The following OTOA variants were observed in gnomAD, a reference collection of about 807,000 sequenced individuals.
OTOA encodes otoancorin, also known as cancer/testis antigen 108.
In OTOA, 70 loss-of-function variants were observed where a neutral mutation model predicts 110.8. That is an observed-to-expected ratio of 0.63 (90% CI 0.52 to 0.77). The LOEUF is 0.77. Ranked by LOEUF, OTOA falls within the 30% of genes least tolerant of loss-of-function variation. The pLI is 0.00. For missense variants in OTOA, 917 were observed against 1,075.8 expected, an observed-to-expected ratio of 0.85 and a Z score of 2.06; for synonymous variants, 373 against 431.5, an observed-to-expected ratio of 0.86 and a Z score of 1.68.
At position 21,716,976 on chromosome 16, in the gene OTOA, C is replaced by G. The variant is rs1001319355; in HGVS notation, c.1558C>G (p.Leu520Val). The change falls in exon 15 of 29, where the codon CTC becomes GTC. Residue 520 changes from leucine (L) to valine (V), a missense_variant. This residue lies in a region of OTOA where 840 missense variants were observed against 910.2 expected (regional missense o/e 0.92). Coordinates refer to ENST00000646100, the MANE Select transcript of OTOA (RefSeq NM_144672.4). ...IQGAFFKEVSLFDLRRQPGFN... is the reference protein window; with the variant it reads ...IQGAFFKEVSVFDLRRQPGFN... Reference sequence around the variant, plus strand: ...AGGGGCTTTCTTTAAGGAAGTGTCTCTCTTTGATTTAAGGAGGCAACCTGG... The same window carrying G: ...AGGGGCTTTCTTTAAGGAAGTGTCTGTCTTTGATTTAAGGAGGCAACCTGG... 3 of 1,613,940 alleles carry G rather than the reference C, an allele frequency of 1.9e-6. No individual in the cohort carries two copies. The highest frequency in any genetic ancestry group is 3.3e-5 in the Admixed American group (2 of 59,974).
chr16:21,678,164 G>A (rs918410109), intron 1 of OTOA, among the ~76,000 whole-genome samples: 2 of 152,070 alleles, frequency 1.3e-5, no homozygotes, highest in Non-Finnish European at 2.9e-5. Flanking sequence ...GGGATTACAG[G>A]TGTGAGCCAC....
At chr16:21,683,729 A>G (rs1345124318) in intron 6 of OTOA, among the ~76,000 whole-genome samples, 2 of 151,550 alleles carry the variant, frequency 1.3e-5, no homozygotes, top group East Asian at 3.9e-4. Context: ...AAAACAAAAA[A>G]CAGATGTCCA....
intron 13 of OTOA, among the ~76,000 whole-genome samples, chr16:21,714,366 T>C (rs170017): frequency 0.019 from 1,610 of 84,242 alleles, 12 homozygotes; most frequent in Middle Eastern, 0.029. Flanking sequence ...TCTCTCTTTC[T>C]TTCTCTCTCT....
chr16:21,679,277 T>C, intron 5 of OTOA, 66 bp downstream of exon 5: 1 of 1,528,278 alleles, frequency 6.5e-7, no homozygotes, highest in Non-Finnish European at 9.0e-7. Context: ...TTAATGGAAG[T>C]CTCTTAATTG....
At chr16:21,679,643 G>A (rs930540070) in intron 5 of OTOA, among the ~76,000 whole-genome samples, 2 of 152,136 alleles carry the variant, frequency 1.3e-5, no homozygotes, top group African/African-American at 4.8e-5. Context: ...GACCTCAGGT[G>A]ATCTGCCGGC....
At chr16:21,678,407 C>T (rs1597805501) in intron 1 of OTOA, 104 bp from the exon 2 acceptor site, 6 of 649,200 alleles carry the variant, frequency 9.2e-6, no homozygotes, top group South Asian at 2.4e-5. Context: ...TCTGAATGTC[C>T]ATATATATAT....
intron 18 of OTOA, among the ~76,000 whole-genome samples, chr16:21,725,358 C>T (rs1042197106): frequency 6.6e-6 from 1 of 152,138 alleles, no homozygotes; most frequent in African/African-American, 2.4e-5. Flanking sequence ...GATCTCAGCT[C>T]ACTGCAACCT....
At position 21,719,069 on chromosome 16, in the gene OTOA, G is replaced by T. The variant is rs372050850; in HGVS notation, c.1630-64G>T. On this transcript the variant is annotated intron_variant, in intron 15 of 28. Transcript: ENST00000646100. ...GATTGTGGAATGCCTTCCTGATAGG[G>T]CCTCACAGTGTTGGGCACACGCTGA... The T allele has an allele frequency of 1.4e-5, 21 of 1,481,164 alleles. No homozygotes were observed. The South Asian group carries it at 1.6e-4, about 11-fold the overall frequency. The allele number at this position is 1,481,164 out of a possible 1,614,324, so 91.8% of individuals were successfully genotyped here.
chr16:21,665,793 A>G (rs1464252024), intron 1 of OTOA, among the ~76,000 whole-genome samples: 1 of 151,816 alleles, frequency 6.6e-6, no homozygotes, highest in Non-Finnish European at 1.5e-5. Flanking sequence ...AAGTCTGGGC[A>G]TCTCTAGTCC....
intron 21 of OTOA, among the ~76,000 whole-genome samples, chr16:21,732,388 T>A (rs438678): frequency 9.2e-5 from 14 of 151,766 alleles, no homozygotes; most frequent in South Asian, 4.1e-4. Context: ...TTTGGTTACA[T>A]GAGTAAGTTC....
At chr16:21,705,436 A>C in intron 12 of OTOA, 144 bp downstream of exon 12, 9 of 1,211,632 alleles carry the variant, frequency 7.4e-6, no homozygotes, top group South Asian at 5.1e-5. Flanking sequence ...TGGCATCTCA[A>C]ATACTGAGGT....
intron 21 of OTOA, among the ~76,000 whole-genome samples, chr16:21,733,963 T>A (rs1899200487): frequency 6.6e-6 from 1 of 151,756 alleles, no homozygotes; most frequent in African/African-American, 2.4e-5. Context: ...CCATGCCGAG[T>A]GAATTTTTGT....
chr16:21,723,303 T>C (rs1898816877), intron 18 of OTOA, among the ~76,000 whole-genome samples: 2 of 152,182 alleles, frequency 1.3e-5, no homozygotes, highest in African/African-American at 4.8e-5. Context: ...AGGGGAGCAG[T>C]AGGCGTTTCT....
At chr16:21,759,671 C>A (rs1478791718) in intron 28 of OTOA, among the ~76,000 whole-genome samples, 1 of 152,034 alleles carries the variant, frequency 6.6e-6, no homozygotes, top group Non-Finnish European at 1.5e-5. Flanking sequence ...GAGGCTGAGG[C>A]AGGTGGATCA....
intron 1 of OTOA, among the ~76,000 whole-genome samples, chr16:21,675,737 T>C (rs773634464): frequency 2.0e-5 from 3 of 152,166 alleles, no homozygotes; most frequent in East Asian, 1.9e-4. Flanking sequence ...GCACCTACCA[T>C]GTCTCTCCCT....
chr16:21,721,754 T>C (rs1220984283), intron 17 of OTOA, among the ~76,000 whole-genome samples: 1 of 151,970 alleles, frequency 6.6e-6, no homozygotes, highest in Non-Finnish European at 1.5e-5. Flanking sequence ...TAGCCAAATA[T>C]GGTGGCACAT....
intron 17 of OTOA, among the ~76,000 whole-genome samples, chr16:21,720,943 C>T (rs1442152478): frequency 3.6e-5 from 4 of 109,744 alleles, no homozygotes; most frequent in African/African-American, 1.0e-4. Flanking sequence ...ATTATTGAGA[C>T]AGGACCTTGC....
chr16:21,719,324 C>T (rs2141704441), intron 16 of OTOA, 63 bp from the exon 17 acceptor site: 17 of 1,567,344 alleles, frequency 1.1e-5, no homozygotes, highest in Middle Eastern at 1.7e-4. Flanking sequence ...TGCCTTCTCT[C>T]GCTCTTTCTT....
chr16:21,669,352 A>G (rs955582123), intron 1 of OTOA, among the ~76,000 whole-genome samples: 2 of 151,992 alleles, frequency 1.3e-5, no homozygotes, highest in Non-Finnish European at 2.9e-5. Context: ...CCCACCCCAA[A>G]AAAACCCCCA....
Sources: allele counts gnomAD v4.1 joint callset (sites outside exome capture counted in the v4.1 genomes callset), GRCh38; gene constraint gnomAD v4.1.1; regional missense constraint gnomAD v4.1.1; transcripts MANE v1.5; gene names NCBI Gene and HGNC (gene_info 2026-07-23, HGNC 2026-07-21).